The following STK39 variants were observed in gnomAD, a reference collection of about 807,000 sequenced individuals.
STK39 encodes STE20/SPS1-related proline-alanine-rich protein kinase.
In STK39, 20 loss-of-function variants were observed where a neutral mutation model predicts 77.8. The observed-to-expected ratio is 0.26, with a 90% CI of 0.18 to 0.37. STK39 has a LOEUF of 0.37. Ranked by LOEUF, STK39 falls within the 10% of genes least tolerant of loss-of-function variation. The pLI is 1.00. For synonymous variants in STK39, 246 were observed against 234.1 expected, an observed-to-expected ratio of 1.05 and a Z score of -0.47; for missense variants, 479 against 656.5, an observed-to-expected ratio of 0.73 and a Z score of 2.95.
intron 10 of STK39, among the ~76,000 whole-genome samples, chr2:168,090,830 A>C (rs1686501230): frequency 6.6e-6 from 1 of 152,136 alleles, no homozygotes; most frequent in African/African-American, 2.4e-5. Flanking sequence ...GAGGGGCTTA[A>C]TTTATTCCAT....
intron 10 of STK39, among the ~76,000 whole-genome samples, chr2:168,077,899 A>G (rs1203541969): frequency 1.6e-5 from 2 of 127,898 alleles, no homozygotes; most frequent in Non-Finnish European, 3.5e-5. Context: ...CAAAGTTAAA[A>G]CTTCAAAAAA....
intron 14 of STK39, among the ~76,000 whole-genome samples, chr2:168,019,860 C>T (rs978528439): frequency 2.6e-5 from 4 of 152,098 alleles, no homozygotes; most frequent in Non-Finnish European, 4.4e-5. Context: ...TGTGCTACCA[C>T]GCCCAGCTAA....
intron 1 of STK39, among the ~76,000 whole-genome samples, chr2:168,227,446 A>G (rs1277594781): frequency 2.0e-5 from 3 of 152,208 alleles, no homozygotes; most frequent in Non-Finnish European, 4.4e-5. Context: ...TTAAATTCCT[A>G]TTCATTTCTC....
chr2:168,038,953 T>TA (rs1485387137), intron 14 of STK39, among the ~76,000 whole-genome samples: 2 of 152,198 alleles, frequency 1.3e-5, no homozygotes, highest in Non-Finnish European at 2.9e-5. Context: ...GGTGGGACTG[T>TA]AAAATGGAAA....
intron 14 of STK39, among the ~76,000 whole-genome samples, chr2:168,053,319 C>T (rs1249986026): frequency 6.6e-6 from 1 of 151,994 alleles, no homozygotes; most frequent in South Asian, 2.1e-4. Context: ...CCAAAGTAAA[C>T]AGAGCAGATT....
At chr2:168,212,806 C>T (rs1028403900) in intron 1 of STK39, among the ~76,000 whole-genome samples, 1 of 152,186 alleles carries the variant, frequency 6.6e-6, no homozygotes, top group Non-Finnish European at 1.5e-5. Flanking sequence ...TCCGATCATC[C>T]TCTCCCTCCT....
chr2:168,080,214 TG>T (rs1176219471), intron 10 of STK39, among the ~76,000 whole-genome samples: 3 of 152,136 alleles, frequency 2.0e-5, no homozygotes, highest in Admixed American at 6.5e-5. Flanking sequence ...GGGTATTTGG[TG>T]GAAGAAATTT....
Position 168,176,550 on chromosome 2 carries a change from A to G in STK39, c.321+5428T>C, listed in dbSNP as rs1051773920. The stretch of plus-strand genomic sequence containing the variant: ...GGAGGTGACGGAGGGAGTGAACAGT[A>G]GATCAAGAGAAAGGAAAAACAACAA... On this transcript the variant is annotated intron_variant, in intron 2 of 17. Transcript: ENST00000355999. Among the ~76,000 whole-genome samples the G allele has an allele frequency of 2.0e-5, 3 of 152,216 alleles. 1 individual carries two copies. The highest frequency in any genetic ancestry group is 4.1e-4 in the South Asian group (2 of 4,830).
At chr2:168,233,584 T>C (rs770488698) in intron 1 of STK39, among the ~76,000 whole-genome samples, 1 of 152,206 alleles carries the variant, frequency 6.6e-6, no homozygotes, top group Non-Finnish European at 1.5e-5. Flanking sequence ...TAGGATAAAC[T>C]ATTAATCCTT....
chr2:168,095,981 C>T (rs1201211883), intron 10 of STK39, among the ~76,000 whole-genome samples: 1 of 152,036 alleles, frequency 6.6e-6, no homozygotes, highest in African/African-American at 2.4e-5. Flanking sequence ...AGAAAAATAA[C>T]TGAAGCAGAA....
chr2:168,200,516 A>T (rs1440342937), intron 1 of STK39, among the ~76,000 whole-genome samples: 4 of 151,970 alleles, frequency 2.6e-5, no homozygotes, highest in African/African-American at 4.8e-5. Flanking sequence ...AATACAAAAA[A>T]AAAATAAAAA....
intron 14 of STK39, among the ~76,000 whole-genome samples, chr2:168,033,013 G>A (rs934466205): frequency 4.6e-5 from 7 of 152,210 alleles, no homozygotes; most frequent in African/African-American, 1.7e-4. Flanking sequence ...CAAGAGATGG[G>A]TCAGAGGAGC....
intron 1 of STK39, among the ~76,000 whole-genome samples, chr2:168,205,169 A>C (rs1003174470): frequency 1.3e-5 from 2 of 152,230 alleles, no homozygotes; most frequent in African/African-American, 4.8e-5. Context: ...GCATGTTTGA[A>C]AATTTTTAAT....
chr2:168,197,990 A>T (rs1481928421), intron 1 of STK39, among the ~76,000 whole-genome samples: 1 of 151,596 alleles, frequency 6.6e-6, no homozygotes, highest in Non-Finnish European at 1.5e-5. Flanking sequence ...GTGAGCCGAG[A>T]CTGTGCCATT....
At chr2:168,134,714 A>T (rs1433636869) in intron 8 of STK39, among the ~76,000 whole-genome samples, 1 of 152,180 alleles carries the variant, frequency 6.6e-6, no homozygotes, top group Non-Finnish European at 1.5e-5. Context: ...TTTTATGAGG[A>T]AAGTCCCATG....
intron 17 of STK39, among the ~76,000 whole-genome samples, chr2:167,959,671 A>T (rs1413086168): frequency 1.3e-5 from 2 of 152,128 alleles, no homozygotes; most frequent in African/African-American, 4.8e-5. Context: ...AGCACTGAAC[A>T]CTCAAAAGAT....
intron 8 of STK39, 52 bp from the exon 9 acceptor site, chr2:168,129,810 C>A (rs766461881): frequency 8.8e-6 from 14 of 1,591,766 alleles, no homozygotes; most frequent in Middle Eastern, 2.2e-4. Flanking sequence ...TTAATAAATG[C>A]ACTGCCTTGA....
At chr2:168,024,141 G>A (rs1684639510) in intron 14 of STK39, among the ~76,000 whole-genome samples, 1 of 152,170 alleles carries the variant, frequency 6.6e-6, no homozygotes, top group Admixed American at 6.5e-5. Context: ...CCAAACCAAA[G>A]TCCATCCCCA....
At chr2:168,027,597 TAC>T (rs1343739220) in intron 14 of STK39, among the ~76,000 whole-genome samples, 3 of 152,192 alleles carry the variant, frequency 2.0e-5, no homozygotes, top group East Asian at 1.9e-4. Flanking sequence ...CACATGTATG[TAC>T]ACACACGTAC....
Sources: allele counts gnomAD v4.1 joint callset (sites outside exome capture counted in the v4.1 genomes callset), GRCh38; gene constraint gnomAD v4.1.1; transcripts MANE v1.5; gene names NCBI Gene and HGNC (gene_info 2026-07-23, HGNC 2026-07-21).